ZNF804B: variants seen among roughly 807,000 people sequenced by gnomAD.
ZNF804B encodes zinc finger 804B.
Under a neutral mutation model 101.4 loss-of-function variants are expected in ZNF804B, and 80 were observed. The observed-to-expected ratio is 0.79, with a 90% CI of 0.66 to 0.95. ZNF804B has a LOEUF of 0.95. Among genes scored for constraint, ZNF804B ranks in the 40% least tolerant of loss-of-function variants. ZNF804B has a pLI of 0.00. For synonymous variants in ZNF804B, 622 were observed against 558.8 expected (o/e 1.11, Z -1.59); for missense variants, 1,673 against 1,561.9 (o/e 1.07, Z -1.20).
intron 1 of ZNF804B, among the ~76,000 whole-genome samples, chr7:88,932,525 G>A (rs975094240): frequency 2.6e-5 from 4 of 151,832 alleles, no homozygotes; most frequent in Non-Finnish European, 5.9e-5. Flanking sequence ...AAAGAAGACA[G>A]ATGATCCAAA....
At chr7:89,074,007 A>G (rs1403043779) in intron 1 of ZNF804B, among the ~76,000 whole-genome samples, 1 of 152,138 alleles carries the variant, frequency 6.6e-6, no homozygotes, top group Non-Finnish European at 1.5e-5. Context: ...CCACAAGGGA[A>G]GTACCAGTTT....
chr7:89,199,354 A>C (rs1187360970), intron 1 of ZNF804B, among the ~76,000 whole-genome samples: 5 of 151,904 alleles, frequency 3.3e-5, no homozygotes, highest in African/African-American at 1.2e-4. Context: ...ATTTTTAAAA[A>C]ATTATTACAG....
intron 2 of ZNF804B, among the ~76,000 whole-genome samples, chr7:89,250,698 TA>T (rs1371187881): frequency 1.3e-5 from 2 of 152,102 alleles, no homozygotes; most frequent in Non-Finnish European, 2.9e-5. Context: ...CTCAACAAAA[TA>T]CTAGCACAGT....
At chr7:89,201,686 T>C (rs1788642245) in intron 1 of ZNF804B, among the ~76,000 whole-genome samples, 1 of 152,020 alleles carries the variant, frequency 6.6e-6, no homozygotes, top group South Asian at 2.1e-4. Flanking sequence ...TCTCTAAAGT[T>C]TGTATGACTT....
intron 1 of ZNF804B, among the ~76,000 whole-genome samples, chr7:89,037,408 CAT>C (rs1398327939): frequency 6.6e-6 from 1 of 151,952 alleles, no homozygotes; most frequent in Non-Finnish European, 1.5e-5. Context: ...CAATTTAACA[CAT>C]GTACCAATTA....
intron 1 of ZNF804B, among the ~76,000 whole-genome samples, chr7:89,156,069 T>TCTCG (rs759597649): frequency 0.085 from 7,687 of 90,294 alleles, 371 homozygotes; most frequent in Non-Finnish European, 0.12. Flanking sequence ...TCTTTCTTTC[T>TCTCG]TTCTCTCTTT....
chr7:89,221,706 A>G (rs1259737914), intron 2 of ZNF804B, among the ~76,000 whole-genome samples: 4 of 126,658 alleles, frequency 3.2e-5, no homozygotes, highest in Non-Finnish European at 6.8e-5. Flanking sequence ...ATTCTATTCT[A>G]TTCTATTCTA....
chr7:88,828,756 T>C (rs909217318), intron 1 of ZNF804B, among the ~76,000 whole-genome samples: 6 of 152,130 alleles, frequency 3.9e-5, no homozygotes, highest in African/African-American at 1.2e-4. Flanking sequence ...ACAGTTTTGA[T>C]GAGGGTATAT....
chr7:88,976,853 A>G (rs937912732), intron 1 of ZNF804B, among the ~76,000 whole-genome samples: 11 of 151,790 alleles, frequency 7.2e-5, no homozygotes, highest in East Asian at 1.9e-4. Context: ...CCCATTCACT[A>G]TGATACTACC....
At chr7:89,333,336 T>C in intron 3 of ZNF804B, 27 bp from the exon 4 acceptor site, 1 of 1,513,740 alleles carries the variant, frequency 6.6e-7, no homozygotes, top group Non-Finnish European at 8.8e-7. Flanking sequence ...AATCTCTTAA[T>C]CATTTAAATA....
chr7:89,248,239 A>C (rs1297642265), intron 2 of ZNF804B, among the ~76,000 whole-genome samples: 1 of 152,170 alleles, frequency 6.6e-6, no homozygotes, highest in Non-Finnish European at 1.5e-5. Flanking sequence ...AGACAGCAAG[A>C]TACAAGAAAT....
At chr7:88,788,613 A>G (rs1026084738) in intron 1 of ZNF804B, among the ~76,000 whole-genome samples, 1 of 152,122 alleles carries the variant, frequency 6.6e-6, no homozygotes, top group Non-Finnish European at 1.5e-5. Flanking sequence ...GTATATGCTC[A>G]CTGGAAACAC....
intron 2 of ZNF804B, among the ~76,000 whole-genome samples, chr7:89,260,229 G>A (rs1364958713): frequency 1.3e-5 from 2 of 152,112 alleles, no homozygotes; most frequent in Non-Finnish European, 2.9e-5. Context: ...ATAGGTAAGG[G>A]CAGTCCTAAT....
chr7:89,246,968 C>T (rs1255775390), intron 2 of ZNF804B, among the ~76,000 whole-genome samples: 1 of 152,174 alleles, frequency 6.6e-6, no homozygotes, highest in Non-Finnish European at 1.5e-5. Context: ...GTTCAGCAGC[C>T]TGAGTTGCCC....
At chr7:88,784,402 T>G (rs1790270339) in intron 1 of ZNF804B, among the ~76,000 whole-genome samples, 1 of 152,134 alleles carries the variant, frequency 6.6e-6, no homozygotes, top group Admixed American at 6.6e-5. Context: ...GTGTACATAG[T>G]CACTCGGGGA....
intron 1 of ZNF804B, among the ~76,000 whole-genome samples, chr7:88,901,128 GA>G (rs1180077096): frequency 6.6e-6 from 1 of 151,496 alleles, no homozygotes; most frequent in Non-Finnish European, 1.5e-5. Context: ...TTATTCAACA[GA>G]AAAAAAGTGT....
At chr7:88,928,768 A>G (rs1792842555) in intron 1 of ZNF804B, among the ~76,000 whole-genome samples, 1 of 152,150 alleles carries the variant, frequency 6.6e-6, no homozygotes, top group Admixed American at 6.6e-5. Context: ...GTAATGTGCA[A>G]TTATGAATAA....
At chr7:88,973,222 A>G (rs1793563591) in intron 1 of ZNF804B, among the ~76,000 whole-genome samples, 1 of 150,590 alleles carries the variant, frequency 6.6e-6, no homozygotes, top group Admixed American at 6.6e-5. Flanking sequence ...ATTGTAATCC[A>G]TTATGTACCT....
intron 1 of ZNF804B, among the ~76,000 whole-genome samples, chr7:89,062,691 C>T (rs907621511): frequency 2.0e-5 from 3 of 152,082 alleles, no homozygotes; most frequent in Non-Finnish European, 4.4e-5. Context: ...TGACGACTAA[C>T]ACATCATCAC....
Sources: allele counts gnomAD v4.1 joint callset (sites outside exome capture counted in the v4.1 genomes callset), GRCh38; gene constraint gnomAD v4.1.1; transcripts MANE v1.5; gene names NCBI Gene and HGNC (gene_info 2026-07-23, HGNC 2026-07-21).